The following RYR2 variants were observed in gnomAD, a reference collection of about 807,000 sequenced individuals.
The protein encoded by RYR2 is cardiac muscle ryanodine receptor-calcium release channel.
A neutral mutation model predicts 601.1 loss-of-function variants in RYR2; 227 were observed. The observed-to-expected ratio is 0.38, with a 90% confidence interval of 0.34 to 0.42. RYR2 has a LOEUF of 0.42. RYR2 is among the 10% of genes least tolerant of loss of function. RYR2 has a pLI of 1.00. For missense variants in RYR2, 4,646 were observed against 6,156.5 expected, an observed-to-expected ratio of 0.75 and a Z score of 8.21; for synonymous variants, 2,223 against 2,175.1, an observed-to-expected ratio of 1.02 and a Z score of -0.61.
chr1:237,632,770 AC>A (rs1680491705), intron 42 of RYR2, among the ~76,000 whole-genome samples: 1 of 150,592 alleles, frequency 6.6e-6, no homozygotes, highest in African/African-American at 2.5e-5. Context: ...ATAAAAAAAA[AC>A]TTTATATAAT....
intron 17 of RYR2, among the ~76,000 whole-genome samples, chr1:237,469,551 C>T (rs911523968): frequency 1.3e-5 from 2 of 152,092 alleles, no homozygotes; most frequent in Non-Finnish European, 2.9e-5. Context: ...TCTGAATAGT[C>T]ATCTAACAAT....
chr1:237,626,591 T>C (rs903110285), intron 40 of RYR2, among the ~76,000 whole-genome samples: 13 of 119,396 alleles, frequency 1.1e-4, no homozygotes, highest in Admixed American at 8.2e-4. Flanking sequence ...TTTTTTTTTT[T>C]TTTTTTTTTT....
At chr1:237,577,878 C>T (rs542533328) in intron 29 of RYR2, among the ~76,000 whole-genome samples, 1 of 152,348 alleles carries the variant, frequency 6.6e-6, no homozygotes, top group East Asian at 1.9e-4. Context: ...TCTCAGCTCA[C>T]TGCAACCTCT....
chr1:237,592,332 C>G (rs1253832431), intron 32 of RYR2, among the ~76,000 whole-genome samples: 1 of 152,128 alleles, frequency 6.6e-6, no homozygotes, highest in Non-Finnish European at 1.5e-5. Context: ...ATGTTCTGAA[C>G]TATTTCAAAA....
chr1:237,606,078 A>C (rs1316041933), intron 35 of RYR2, among the ~76,000 whole-genome samples: 2 of 151,620 alleles, frequency 1.3e-5, no homozygotes, highest in Non-Finnish European at 3.0e-5. Context: ...TTTAAAGTTC[A>C]TATGGAACCA....
Position 237,063,764 on chromosome 1 carries a change from C to T in RYR2, c.48+21195C>T, listed in dbSNP as rs573369498. 2.5e-4 allele frequency among the ~76,000 whole-genome samples: 38 copies of T among 152,260 alleles called. No individual in the cohort carries two copies. In the South Asian group the frequency reaches 2.9e-3, roughly 12 times the overall value. On this transcript the variant is annotated intron_variant, in intron 1 of 104. Transcript: ENST00000366574. Reference sequence around the variant, plus strand: ...CATTTTGCTGCTGTCTGAAGAAGTACCTTAAGATTTATTTTATGATGGGTT... The same window carrying T: ...CATTTTGCTGCTGTCTGAAGAAGTATCTTAAGATTTATTTTATGATGGGTT...
intron 14 of RYR2, among the ~76,000 whole-genome samples, chr1:237,447,288 AT>A (rs532809215): frequency 1.9e-4 from 29 of 152,274 alleles, no homozygotes; most frequent in Middle Eastern, 3.4e-3. Flanking sequence ...CATAAGTGAC[AT>A]TTTTTTATGC....
intron 38 of RYR2, among the ~76,000 whole-genome samples, chr1:237,618,001 G>A (rs988503740): frequency 6.6e-6 from 1 of 152,178 alleles, no homozygotes; most frequent in African/African-American, 2.4e-5. Flanking sequence ...GAATGGGCTA[G>A]TTGGGGGATG....
chr1:237,114,440 T>C (rs1669835672), intron 1 of RYR2, among the ~76,000 whole-genome samples: 1 of 152,204 alleles, frequency 6.6e-6, no homozygotes, highest in Non-Finnish European at 1.5e-5. Flanking sequence ...CCTTAGCAAG[T>C]AACACTGAAT....
intron 1 of RYR2, among the ~76,000 whole-genome samples, chr1:237,200,229 C>A (rs536566862): frequency 6.6e-6 from 1 of 152,022 alleles, no homozygotes; most frequent in Admixed American, 6.6e-5. Context: ...TGTTTACCAT[C>A]TGTTTGCAAT....
chr1:237,048,530 A>G lies in RYR2; in HGVS notation c.48+5961A>G, dbSNP rs540156391. Among the ~76,000 whole-genome samples, 10 of 151,866 alleles carry G rather than the reference A, an allele frequency of 6.6e-5. 2 individuals are homozygous for G. The South Asian group carries it at 2.1e-3, about 32-fold the overall frequency. Reference sequence around the variant, plus strand: ...TCCCAGCCTCAGCTCACATCCTTGCATATCCTGTCTAATTTCTCTACTTGG... The same window carrying G: ...TCCCAGCCTCAGCTCACATCCTTGCGTATCCTGTCTAATTTCTCTACTTGG... On this transcript the variant is annotated intron_variant, in intron 1 of 104. Coordinates refer to ENST00000366574, the MANE Select transcript of RYR2 (RefSeq NM_001035.3).
intron 1 of RYR2, among the ~76,000 whole-genome samples, chr1:237,063,978 A>G (rs1051570221): frequency 1.3e-5 from 2 of 151,264 alleles, no homozygotes; most frequent in African/African-American, 4.9e-5. Flanking sequence ...TTTTCATTCT[A>G]TTTATCCTGC....
chr1:237,468,945 T>C, intron 16 of RYR2, 147 bp from the exon 17 acceptor site: 2 of 600,892 alleles, frequency 3.3e-6, no homozygotes, highest in Non-Finnish European at 5.9e-6. Flanking sequence ...GTGTTGTATA[T>C]GTACGTGTAT....
At chr1:237,151,498 G>A (rs1341554400) in intron 1 of RYR2, among the ~76,000 whole-genome samples, 1 of 152,192 alleles carries the variant, frequency 6.6e-6, no homozygotes, top group African/African-American at 2.4e-5. Context: ...AAACTGAGCT[G>A]TAAGCAGGAT....
intron 1 of RYR2, among the ~76,000 whole-genome samples, chr1:237,046,962 A>G (rs1660676196): frequency 6.6e-6 from 1 of 152,228 alleles, no homozygotes; most frequent in South Asian, 2.1e-4. Context: ...TGGAGCAATC[A>G]GAAGGAAAAA....
intron 1 of RYR2, among the ~76,000 whole-genome samples, chr1:237,265,606 G>C (rs1688986367): frequency 6.6e-6 from 1 of 152,208 alleles, no homozygotes; most frequent in Non-Finnish European, 1.5e-5. Flanking sequence ...ACAGGTGTGA[G>C]CTACCGCGCC....
chr1:237,073,128 G>A (rs1296856645), intron 1 of RYR2, among the ~76,000 whole-genome samples: 1 of 152,148 alleles, frequency 6.6e-6, no homozygotes, highest in Non-Finnish European at 1.5e-5. Context: ...GGCTAAACCT[G>A]ATTGTCATTT....
chr1:237,315,093 A>G (rs1694977994), intron 2 of RYR2, among the ~76,000 whole-genome samples: 1 of 152,184 alleles, frequency 6.6e-6, no homozygotes, highest in South Asian at 2.1e-4. Flanking sequence ...GATCCAGTGG[A>G]TCTTTCCGGT....
intron 19 of RYR2, among the ~76,000 whole-genome samples, chr1:237,493,514 A>G (rs867308981): frequency 6.6e-5 from 10 of 152,136 alleles, no homozygotes; most frequent in African/African-American, 1.2e-4. Flanking sequence ...GTGCAGTGGC[A>G]CGATCTCGGC....
Sources: allele counts gnomAD v4.1 joint callset (sites outside exome capture counted in the v4.1 genomes callset), GRCh38; gene constraint gnomAD v4.1.1; transcripts MANE v1.5; gene names NCBI Gene and HGNC (gene_info 2026-07-23, HGNC 2026-07-21).